Variants in MAGI1 observed in about 807,000 individuals in gnomAD.
MAGI1 encodes membrane-associated guanylate kinase, WW and PDZ domain-containing protein 1.
MAGI1 carries 58 observed loss-of-function variants against 139.9 expected under a neutral mutation model. The ratio of observed to expected loss-of-function variants is 0.41; its 90% confidence interval spans 0.34 to 0.52. The LOEUF (loss-of-function observed/expected upper bound fraction) is 0.52. MAGI1 is among the 20% of genes least tolerant of loss of function. MAGI1 has a pLI of 0.12. For missense variants in MAGI1, 1,874 were observed against 1,901.6 expected, an observed-to-expected ratio of 0.99 and a Z score of 0.27; for synonymous variants, 812 against 737.9, an observed-to-expected ratio of 1.10 and a Z score of -1.63.
At chr3:66,000,030 T>A (rs1025004994) in intron 1 of MAGI1, among the ~76,000 whole-genome samples, 4 of 141,206 alleles carry the variant, frequency 2.8e-5, no homozygotes, top group Non-Finnish European at 4.5e-5. Context: ...TGGAGTGCAG[T>A]GGCGCGAACT....
At chr3:65,465,799 T>C (rs1464460811) in intron 5 of MAGI1, among the ~76,000 whole-genome samples, 1 of 152,200 alleles carries the variant, frequency 6.6e-6, no homozygotes, top group African/African-American at 2.4e-5. Context: ...GTTCTTCAAG[T>C]ACTTTTCTTT....
chr3:65,383,475 AT>A, intron 15 of MAGI1, 56 bp downstream of exon 15: 1 of 1,325,476 alleles, frequency 7.5e-7, no homozygotes. Context: ...ACTGTCGCCA[AT>A]TTGCTTTGAA....
intron 2 of MAGI1, among the ~76,000 whole-genome samples, chr3:65,546,708 T>C (rs191778661): frequency 4.4e-3 from 677 of 152,334 alleles, no homozygotes; most frequent in Non-Finnish European, 7.7e-3. Flanking sequence ...AGAAAGTAAA[T>C]GTCATAGTCA....
rs564820758 is a variant in MAGI1 at position 66,018,120 on chromosome 3, G to GGGT, written c.313+19875_313+19876insACC. On this transcript the variant is annotated intron_variant, in intron 1 of 22. Transcript: ENST00000402939. ...TAAGGAAGGACACTTTGGTGGGGGG[G>GGGT]GGGGGTGTCTGCACATGCCCATTTA... Among the ~76,000 whole-genome samples, 75 of 126,864 alleles carry GGGT rather than the reference G, an allele frequency of 5.9e-4. 6 individuals carry two copies. The highest frequency in any genetic ancestry group is 3.7e-3 in the Middle Eastern group (1 of 268). 83.2% of individuals were successfully genotyped at this position (126,864 alleles called of 152,430 possible). A position where few individuals can be genotyped will look rare whatever the true frequency, so the allele number is the denominator to read the frequency against.
Position 65,958,611 on chromosome 3 carries a change from C to T in MAGI1, c.313+79385G>A, listed in dbSNP as rs549913751. Among the ~76,000 whole-genome samples the T allele has an allele frequency of 3.9e-5, 6 of 152,300 alleles. No homozygotes were observed. In the South Asian group the frequency reaches 8.3e-4, roughly 21 times the overall value. On this transcript the variant is annotated intron_variant, in intron 1 of 22. Transcript: ENST00000402939. ...ATGGGTAGACTTAACTTCCAAAAGT[C>T]GTACAGAAGACAACAGAGTTCCGGG...
rs1160626410 is a variant in MAGI1 at position 65,355,553 on chromosome 3, T to C, written c.*825A>G. On this transcript the variant is annotated 3_prime_UTR_variant, in exon 23 of 23. Transcript: ENST00000402939. ...TCAGACGAGACAACACGAAAGATGC[T>C]TGTTGTCTCTTCCTCGTAGTAATTG... 6.6e-6 allele frequency: 1 copy of C among 152,570 alleles called. No individual in the cohort carries two copies. The highest frequency in any genetic ancestry group is 6.5e-5 in the Admixed American group (1 of 15,278). 9.5% of individuals were successfully genotyped at this position (152,570 alleles called of 1,614,324 possible).
intron 1 of MAGI1, among the ~76,000 whole-genome samples, chr3:65,890,991 T>A (rs1291551865): frequency 6.6e-6 from 1 of 152,058 alleles, no homozygotes; most frequent in African/African-American, 2.4e-5. Flanking sequence ...GGCAGGAGGA[T>A]TGCTTGAGGC....
intron 1 of MAGI1, among the ~76,000 whole-genome samples, chr3:65,709,077 A>T (rs990325771): frequency 1.6e-4 from 24 of 152,220 alleles, no homozygotes; most frequent in African/African-American, 5.8e-4. Context: ...GCATAACAGA[A>T]ATTATGCTTA....
chr3:65,457,953 C>T (rs1949512544), intron 5 of MAGI1, among the ~76,000 whole-genome samples: 1 of 152,098 alleles, frequency 6.6e-6, no homozygotes, highest in Non-Finnish European at 1.5e-5. Context: ...CACCACTCCA[C>T]CACCCTTCCC....
chr3:65,809,756 C>G (rs1482534874), intron 1 of MAGI1, among the ~76,000 whole-genome samples: 2 of 152,170 alleles, frequency 1.3e-5, no homozygotes, highest in East Asian at 3.9e-4. Flanking sequence ...GGATATTATG[C>G]AGGCAAAACA....
chr3:65,453,310 G>A lies in MAGI1; in HGVS notation c.990C>T (p.Asp330=). 6.2e-7 allele frequency: 1 copy of A among 1,610,858 alleles called. No homozygotes were observed. Among genetic ancestry groups the A allele is most frequent in the South Asian group, 1.1e-5 (1 of 91,016 alleles). ...TCTGCTGCTTGTTTAGGCACCGAGGGTCTAACCAAGATGTTGTTTTCGTGT... is the reference window on the plus strand; with the variant it reads ...TCTGCTGCTTGTTTAGGCACCGAGGATCTAACCAAGATGTTGTTTTCGTGT... ...DHNTKTTSWL[D]PRCLNKQQKP... Residue 330 remains aspartate (D), a synonymous_variant, in exon 6 of 23, where the codon GAC becomes GAT. Transcript: ENST00000402939.
intron 1 of MAGI1, among the ~76,000 whole-genome samples, chr3:65,806,117 A>T (rs962949703): frequency 2.6e-5 from 4 of 152,148 alleles, no homozygotes; most frequent in Admixed American, 1.3e-4. Context: ...GAAATTTTTT[A>T]AAAATTAAAA....
intron 2 of MAGI1, among the ~76,000 whole-genome samples, chr3:65,552,791 C>T (rs2079904600): frequency 6.6e-6 from 1 of 152,162 alleles, no homozygotes; most frequent in South Asian, 2.1e-4. Context: ...TAATTCATTC[C>T]ACAGCCACTC....
chr3:65,901,225 C>T (rs568387664), intron 1 of MAGI1, among the ~76,000 whole-genome samples: 2 of 152,256 alleles, frequency 1.3e-5, no homozygotes, highest in South Asian at 2.1e-4. Flanking sequence ...TAAAAGATGA[C>T]GCCACACAAA....
chr3:65,950,044 CA>C lies in MAGI1; in HGVS notation c.313+87951del, dbSNP rs143046732. 6.8e-4 allele frequency among the ~76,000 whole-genome samples: 34 copies of C among 49,772 alleles called. 1 individual carries two copies. Among genetic ancestry groups the C allele is most frequent in the Middle Eastern group, 0.016 (1 of 62 alleles). 32.7% of individuals were successfully genotyped at this position (49,772 alleles called of 152,430 possible). ...AGCCTGGGCAACAGAGCCAGATCAT[CA>C]AAAAAAAAAAAAACAAAAAAACAAA... On this transcript the variant is annotated intron_variant, in intron 1 of 22. Transcript: ENST00000402939.
intron 18 of MAGI1, among the ~76,000 whole-genome samples, chr3:65,375,187 C>CT (rs5849664): frequency 0.013 from 1,791 of 133,062 alleles, 23 homozygotes; most frequent in African/African-American, 0.021. Flanking sequence ...TTTTCTGAAA[C>CT]TTTTTTTTTT....
intron 1 of MAGI1, among the ~76,000 whole-genome samples, chr3:65,842,874 GT>G (rs2058855402): frequency 6.6e-6 from 1 of 152,128 alleles, no homozygotes; most frequent in Non-Finnish European, 1.5e-5. Context: ...CTCTTAGACT[GT>G]GGAATATGAT....
At chr3:65,878,088 G>GT (rs1235967882) in intron 1 of MAGI1, among the ~76,000 whole-genome samples, 2 of 151,628 alleles carry the variant, frequency 1.3e-5, no homozygotes, top group African/African-American at 4.8e-5. Flanking sequence ...TCCAGCCTAC[G>GT]TGACAGAGTG....
Position 65,467,241 on chromosome 3 carries a change from A to G in MAGI1, c.959+3042T>C, listed in dbSNP as rs185845033. ...TTTTTTAATGTTCTTTTAAATTTCT[A>G]CTATTTCTTCAACTTCCCAAAAACT... On this transcript the variant is annotated intron_variant, in intron 5 of 22. Coordinates refer to ENST00000402939, the MANE Select transcript of MAGI1 (RefSeq NM_001033057.2). 3.4e-3 allele frequency among the ~76,000 whole-genome samples: 516 copies of G among 152,256 alleles called. 2 individuals carry two copies. The highest frequency in any genetic ancestry group is 5.2e-3 in the Non-Finnish European group (352 of 68,008).
Sources: allele counts gnomAD v4.1 joint callset (sites outside exome capture counted in the v4.1 genomes callset), GRCh38; gene constraint gnomAD v4.1.1; transcripts MANE v1.5; gene names NCBI Gene and HGNC (gene_info 2026-07-23, HGNC 2026-07-21).